The following PIK3C2G variants were observed in gnomAD, a reference collection of about 807,000 sequenced individuals.
PIK3C2G encodes the protein phosphatidylinositol 3-kinase C2 domain-containing subunit gamma.
PIK3C2G carries 168 observed loss-of-function variants against 181.1 expected under a neutral mutation model. That is an observed-to-expected ratio of 0.93 (90% CI 0.82 to 1.05). The LOEUF (loss-of-function observed/expected upper bound fraction) is 1.05, where lower values mean the gene tolerates loss of function less well. Among genes scored for constraint, PIK3C2G ranks in the 50% least tolerant of loss-of-function variants. The pLI, the probability that PIK3C2G is intolerant of heterozygous loss-of-function variation, is 0.00. For missense variants in PIK3C2G, 1,869 were observed against 1,732.8 expected, an observed-to-expected ratio of 1.08 and a Z score of -1.40; for synonymous variants, 573 against 592.2, an observed-to-expected ratio of 0.97 and a Z score of 0.47.
intron 31 of PIK3C2G, among the ~76,000 whole-genome samples, chr12:18,610,158 A>G (rs1430860084): frequency 2.0e-5 from 3 of 152,080 alleles, no homozygotes; most frequent in Non-Finnish European, 4.4e-5. Flanking sequence ...AAAGAGAGGA[A>G]GCATTCTGTG....
the PIK3C2G span, among the ~76,000 whole-genome samples, chr12:18,673,499 G>A: frequency 4.6e-5 from 7 of 152,014 alleles, no homozygotes; most frequent in Non-Finnish European, 1.0e-4. Flanking sequence ...ATGAACAAAC[G>A]AACAAGGCTA....
At chr12:18,375,910 T>G (rs1357385502) in intron 13 of PIK3C2G, among the ~76,000 whole-genome samples, 2 of 152,318 alleles carry the variant, frequency 1.3e-5, no homozygotes, top group Admixed American at 6.5e-5. Flanking sequence ...CCTTGGCAGC[T>G]TCCACAAGGT....
At chr12:18,498,249 T>A (rs963856882) in intron 22 of PIK3C2G, among the ~76,000 whole-genome samples, 7 of 152,220 alleles carry the variant, frequency 4.6e-5, no homozygotes, top group African/African-American at 1.7e-4. Flanking sequence ...ATTGAACATA[T>A]GTCAGCATTT....
chr12:18,335,379 T>C (rs1938433425), intron 8 of PIK3C2G, among the ~76,000 whole-genome samples: 1 of 152,156 alleles, frequency 6.6e-6, no homozygotes, highest in Admixed American at 6.6e-5. Flanking sequence ...AGGCTTGAAA[T>C]TCCCTCTAAA....
rs12309823 is a variant in PIK3C2G, at chr12:18,345,421, T to G, written c.1430-1220T>G. Among the ~76,000 whole-genome samples the G allele has an allele frequency of 3.9e-3, 590 of 152,346 alleles. 1 individual carries two copies. The highest frequency in any genetic ancestry group is 0.013 in the African/African-American group (552 of 41,580). ...ATATAACAAATAAGGAAAATTAATCTACCTTATATATTTTGTACAAATTTA... is the reference window on the plus strand; with the variant it reads ...ATATAACAAATAAGGAAAATTAATCGACCTTATATATTTTGTACAAATTTA... On this transcript the variant is annotated intron_variant, in intron 10 of 32. Transcript: ENST00000538779.
At chr12:18,598,049 A>G (rs968522225) in intron 30 of PIK3C2G, among the ~76,000 whole-genome samples, 2 of 152,160 alleles carry the variant, frequency 1.3e-5, no homozygotes, top group Non-Finnish European at 2.9e-5. Flanking sequence ...GGAAGAATCA[A>G]TATCATGAAA....
At chr12:18,292,757 A>G (rs1040925249) in intron 4 of PIK3C2G, among the ~76,000 whole-genome samples, 3 of 152,178 alleles carry the variant, frequency 2.0e-5, no homozygotes, top group African/African-American at 7.2e-5. Context: ...TAAAGTTTCT[A>G]TAATATAGCT....
chr12:18,701,078 A>G, the PIK3C2G span, among the ~76,000 whole-genome samples: 1 of 151,732 alleles, frequency 6.6e-6, no homozygotes, highest in Non-Finnish European at 1.5e-5. Flanking sequence ...TCCGCGTCCC[A>G]GGTTCAAGCA....
chr12:18,411,189 T>C (rs1025722807), intron 16 of PIK3C2G, among the ~76,000 whole-genome samples: 12 of 152,290 alleles, frequency 7.9e-5, no homozygotes, highest in Admixed American at 7.8e-4. Flanking sequence ...ATACCCAAGA[T>C]AATCTTGTGA....
At chr12:18,436,986 T>C (rs1946486393) in intron 18 of PIK3C2G, among the ~76,000 whole-genome samples, 1 of 151,986 alleles carries the variant, frequency 6.6e-6, no homozygotes, top group Non-Finnish European at 1.5e-5. Flanking sequence ...TACCATCTTT[T>C]AAAATACAAT....
intron 1 of PIK3C2G, among the ~76,000 whole-genome samples, chr12:18,254,711 C>T (rs929974428): frequency 2.6e-5 from 4 of 151,636 alleles, no homozygotes; most frequent in African/African-American, 9.7e-5. Context: ...GGCATGGTGG[C>T]ATGTGCCTGT....
At chr12:18,562,010 T>C (rs950303012) in intron 26 of PIK3C2G, among the ~76,000 whole-genome samples, 2 of 151,902 alleles carry the variant, frequency 1.3e-5, no homozygotes, top group African/African-American at 2.4e-5. Context: ...GTAGAAAGTA[T>C]GGGAATAGCT....
chr12:18,290,073 T>C (rs990010498), intron 3 of PIK3C2G, among the ~76,000 whole-genome samples: 4 of 152,338 alleles, frequency 2.6e-5, no homozygotes, highest in South Asian at 2.1e-4. Flanking sequence ...CTTTTACATG[T>C]CTTTTCTATT....
At chr12:18,417,254 G>A (rs916676093) in intron 16 of PIK3C2G, among the ~76,000 whole-genome samples, 1 of 152,174 alleles carries the variant, frequency 6.6e-6, no homozygotes, top group African/African-American at 2.4e-5. Flanking sequence ...GCAAAAAAGA[G>A]TGGTTTCTTG....
intron 18 of PIK3C2G, among the ~76,000 whole-genome samples, chr12:18,430,454 T>C (rs1946092998): frequency 1.3e-5 from 2 of 152,218 alleles, no homozygotes; most frequent in South Asian, 4.1e-4. Flanking sequence ...ATTTGCAAGC[T>C]CTATCAATGT....
rs143292544 is a variant in PIK3C2G at position 18,566,329 on chromosome 12, G to A, written c.3903-620G>A. Among the ~76,000 whole-genome samples, 40 of 152,278 alleles carry A rather than the reference G, an allele frequency of 2.6e-4. No individual in the cohort carries two copies. The East Asian group carries it at 7.7e-3, about 29-fold the overall frequency. On this transcript the variant is annotated intron_variant, in intron 28 of 32. Coordinates refer to ENST00000538779, the MANE Select transcript of PIK3C2G (RefSeq NM_001288772.2). Reference sequence around the variant, plus strand: ...GGAGGCTGCTAGGTAGTTCCTAAAAGGGTATACGTAGACAGCAAGATATGT... The same window carrying A: ...GGAGGCTGCTAGGTAGTTCCTAAAAAGGTATACGTAGACAGCAAGATATGT...
chr12:18,683,182 C>T, the PIK3C2G span: 3 of 1,419,068 alleles, frequency 2.1e-6, no homozygotes, highest in Non-Finnish European at 3.0e-6. Context: ...TAAAGACATT[C>T]ATTTTGGCTG....
intron 8 of PIK3C2G, among the ~76,000 whole-genome samples, chr12:18,328,179 A>G (rs969394140): frequency 4.6e-5 from 7 of 151,966 alleles, no homozygotes; most frequent in African/African-American, 1.7e-4. Context: ...GTTTAGCTTC[A>G]TGAAACATCG....
chr12:18,447,668 A>C (rs1238300514), intron 18 of PIK3C2G, among the ~76,000 whole-genome samples: 1 of 152,180 alleles, frequency 6.6e-6, no homozygotes, highest in Non-Finnish European at 1.5e-5. Flanking sequence ...TGTTAATTAA[A>C]AATATGTAAA....
Sources: gnomAD v4.1 joint callset for allele counts (sites outside exome capture counted in the v4.1 genomes callset) on GRCh38, gnomAD v4.1.1 for gene constraint, MANE v1.5 for transcripts, NCBI Gene and HGNC (gene_info 2026-07-23, HGNC 2026-07-21) for gene names.